PTPRK: variants seen among roughly 807,000 people sequenced by gnomAD.
PTPRK encodes the protein receptor-type tyrosine-protein phosphatase kappa.
A neutral mutation model predicts 178.0 loss-of-function variants in PTPRK; 75 were observed. The ratio of observed to expected loss-of-function variants is 0.42; its 90% CI spans 0.35 to 0.51. The LOEUF is 0.51. Among genes scored for constraint, PTPRK ranks in the 20% least tolerant of loss-of-function variants. PTPRK has a pLI of 0.02. For missense variants in PTPRK, 1,441 were observed against 1,797.8 expected (o/e 0.80, Z 3.59); for synonymous variants, 637 against 620.6 (o/e 1.03, Z -0.39).
intron 2 of PTPRK, among the ~76,000 whole-genome samples, chr6:128,349,027 A>G (rs1832779339): frequency 6.6e-6 from 1 of 152,120 alleles, no homozygotes; most frequent in Admixed American, 6.6e-5. Context: ...CTTATTCCAC[A>G]TAAGAAGGCA....
chr6:128,380,510 A>G (rs1837732895), intron 2 of PTPRK, among the ~76,000 whole-genome samples: 1 of 146,594 alleles, frequency 6.8e-6, no homozygotes, highest in African/African-American at 2.5e-5. Context: ...ACATTCTTGG[A>G]AAATCACACA....
intron 13 of PTPRK, among the ~76,000 whole-genome samples, chr6:128,045,815 G>C (rs556772866): frequency 1.3e-5 from 2 of 152,164 alleles, no homozygotes; most frequent in South Asian, 2.1e-4. Flanking sequence ...TTACAGTCCA[G>C]TCCATCCAGA....
intron 2 of PTPRK, among the ~76,000 whole-genome samples, chr6:128,390,291 C>T (rs1362311601): frequency 1.3e-5 from 2 of 152,076 alleles, no homozygotes; most frequent in Non-Finnish European, 2.9e-5. Flanking sequence ...AACAGACACG[C>T]AGCAAGTGTT....
rs543643364 is a variant in PTPRK, at chr6:128,074,134, T to C, written c.1883+4679A>G. 6.6e-5 allele frequency among the ~76,000 whole-genome samples: 10 copies of C among 152,192 alleles called. No individual in the cohort carries two copies. The East Asian group carries it at 9.7e-4, about 15-fold the overall frequency. ...TGGTTTTGACTTTATTTCATGACTATATTTTAATTATCAAACTAAATAGGT... is the reference window on the plus strand; with the variant it reads ...TGGTTTTGACTTTATTTCATGACTACATTTTAATTATCAAACTAAATAGGT... On this transcript the variant is annotated intron_variant, in intron 11 of 29. Transcript: ENST00000368226.
chr6:128,469,867 C>A (rs948153652), intron 1 of PTPRK, among the ~76,000 whole-genome samples: 1 of 151,948 alleles, frequency 6.6e-6, no homozygotes, highest in African/African-American at 2.4e-5. Context: ...GGCCATGAGC[C>A]AAGAAAGATA....
chr6:127,989,979 T>C (rs1776419242), intron 21 of PTPRK, among the ~76,000 whole-genome samples: 1 of 152,170 alleles, frequency 6.6e-6, no homozygotes, highest in Admixed American at 6.6e-5. Context: ...AAAATGTATT[T>C]CACTGTTACT....
Position 128,089,935 on chromosome 6 carries a change from G to A in PTPRK, c.1220C>T (p.Ala407Val). 1 of 1,612,380 alleles carries A rather than the reference G, an allele frequency of 6.2e-7. No homozygotes were observed. Among genetic ancestry groups the A allele is most frequent in the Non-Finnish European group, 8.5e-7 (1 of 1,178,396 alleles). ...KIAEIQARRI[A>V]VDWESLGYNI... ...GTAACCCAAGGATTCCCAGTCCACAGCAATCCGTCTTGCCTGTATTTCAGC... is the reference window on the plus strand; with the variant it reads ...GTAACCCAAGGATTCCCAGTCCACAACAATCCGTCTTGCCTGTATTTCAGC... Residue 407 changes from alanine to valine, a missense_variant, in exon 8 of 30, where the codon GCT (alanine) becomes GTT (valine). By Grantham distance (64) the Ala-to-Val change is moderately conservative. This residue lies in a region of PTPRK where 945 missense variants were observed against 1,080.6 expected (regional missense o/e 0.87). Coordinates refer to ENST00000368226, the MANE Select transcript of PTPRK (RefSeq NM_002844.4).
intron 6 of PTPRK, among the ~76,000 whole-genome samples, chr6:128,187,385 GA>G (rs998834110): frequency 6.6e-6 from 1 of 152,082 alleles, no homozygotes; most frequent in African/African-American, 2.4e-5. Context: ...AACCTAATAT[GA>G]AAAAAATGCT....
chr6:128,367,657 C>T (rs1490262975), intron 2 of PTPRK, among the ~76,000 whole-genome samples: 1 of 152,134 alleles, frequency 6.6e-6, no homozygotes, highest in Non-Finnish European at 1.5e-5. Flanking sequence ...CAAGTGTTGG[C>T]ACAAGGCCAA....
chr6:128,073,623 G>T (rs1165764983), intron 11 of PTPRK, among the ~76,000 whole-genome samples: 1 of 151,986 alleles, frequency 6.6e-6, no homozygotes, highest in East Asian at 1.9e-4. Context: ...AGCTAAGACA[G>T]GTCTGGCTCA....
At chr6:128,389,301 A>C (rs1839206551) in intron 2 of PTPRK, among the ~76,000 whole-genome samples, 2 of 151,892 alleles carry the variant, frequency 1.3e-5, no homozygotes, top group Non-Finnish European at 2.9e-5. Context: ...ATATAATCAT[A>C]ACTCCATATT....
In PTPRK at chr6:128,229,225, CT is replaced by C. The variant is rs1811906559; in HGVS notation, c.694-10130del. Among the ~76,000 whole-genome samples, 3 of 152,158 alleles carry C rather than the reference CT, an allele frequency of 2.0e-5. No individual in the cohort carries two copies. In the South Asian group the frequency reaches 6.2e-4, roughly 32 times the overall value. The stretch of plus-strand genomic sequence containing the variant: ...CAATAGCTATATGCTGACAATGGAG[CT>C]TTAGTACAAGTTTCAAAATAAAATG... On this transcript the variant is annotated intron_variant, in intron 5 of 29. Transcript: ENST00000368226.
chr6:128,273,044 T>C (rs1820119908), intron 3 of PTPRK, among the ~76,000 whole-genome samples: 1 of 152,078 alleles, frequency 6.6e-6, no homozygotes, highest in African/African-American at 2.4e-5. Flanking sequence ...AAAGGATGAG[T>C]TCATGTCCTT....
intron 1 of PTPRK, among the ~76,000 whole-genome samples, chr6:128,469,630 G>A (rs1056620816): frequency 6.6e-6 from 1 of 152,234 alleles, no homozygotes; most frequent in Middle Eastern, 3.4e-3. Context: ...GCTGAATAAT[G>A]CGCCCCCAAC....
chr6:128,343,970 A>G (rs1832044392), intron 2 of PTPRK, among the ~76,000 whole-genome samples: 1 of 152,164 alleles, frequency 6.6e-6, no homozygotes, highest in African/African-American at 2.4e-5. Flanking sequence ...AAGTTAAGTG[A>G]TTTTCGTAAC....
chr6:128,018,513 A>G (rs1397378725), intron 13 of PTPRK, among the ~76,000 whole-genome samples: 1 of 150,780 alleles, frequency 6.6e-6, no homozygotes, highest in Admixed American at 6.6e-5. Flanking sequence ...TTTTTTTGAT[A>G]AAACAAAACC....
At chr6:127,986,724 G>A (rs1776020733) in intron 21 of PTPRK, among the ~76,000 whole-genome samples, 1 of 152,044 alleles carries the variant, frequency 6.6e-6, no homozygotes, top group Non-Finnish European at 1.5e-5. Flanking sequence ...ATTCTACTGT[G>A]AACTATCTGT....
rs1421677163 is a variant in PTPRK at position 128,184,603 on chromosome 6, G to A, written c.991C>T (p.Arg331Ter). 1 of 1,613,904 alleles carries A rather than the reference G, an allele frequency of 6.2e-7. No homozygotes were observed. The highest frequency in any genetic ancestry group is 8.5e-7 in the Non-Finnish European group (1 of 1,179,934). The change falls in exon 7 of 30, where the codon CGA becomes TGA. Residue 331 changes from arginine to a stop codon, truncating the protein, a stop_gained. Transcript: ENST00000368226. LOFTEE classifies it high-confidence loss of function. ...TCTGTCCAGGATCCTGATGTCATTC[G>A]GTACTCTACTTCTTTCAGGATGATA... ...GPIILKEVEY[R>*]MTSGSWTETH...
intron 7 of PTPRK, among the ~76,000 whole-genome samples, chr6:128,160,415 T>C (rs1033057427): frequency 4.0e-5 from 6 of 151,714 alleles, no homozygotes; most frequent in Admixed American, 2.6e-4. Context: ...ACACGAGATA[T>C]ACTCCCATTA....
Sources: gnomAD v4.1 joint callset for allele counts (sites outside exome capture counted in the v4.1 genomes callset) on GRCh38, gnomAD v4.1.1 for gene constraint, gnomAD v4.1.1 regional missense constraint, MANE v1.5 for transcripts, NCBI Gene and HGNC (gene_info 2026-07-23, HGNC 2026-07-21) for gene names.